Variants in CNOT4 observed in about 807,000 individuals in gnomAD.
The protein encoded by CNOT4 is CCR4-associated factor 4.
A neutral mutation model predicts 73.8 loss-of-function variants in CNOT4; 8 were observed. The observed-to-expected ratio is 0.11, with a 90% confidence interval of 0.06 to 0.20. The LOEUF is 0.20. Ranked by LOEUF, CNOT4 falls within the 10% of genes least tolerant of loss-of-function variation. CNOT4 has a pLI of 1.00. For missense variants in CNOT4, 564 were observed against 883.4 expected (o/e 0.64, Z 4.58); for synonymous variants, 293 against 321.1 (o/e 0.91, Z 0.94).
rs1457806521 is a variant in CNOT4 at position 135,446,982 on chromosome 7, G to A, written c.-92-8559C>T. 1.9e-5 allele frequency among the ~76,000 whole-genome samples: 2 copies of A among 107,710 alleles called. 1 individual carries two copies. The highest frequency in any genetic ancestry group is 4.8e-5 in the Non-Finnish European group (2 of 41,882). 70.7% of individuals were successfully genotyped at this position (107,710 alleles called of 152,430 possible). A position where few individuals can be genotyped will look rare whatever the true frequency, so the allele number is the denominator to read the frequency against. On this transcript the variant is annotated intron_variant, in intron 1 of 11. Coordinates refer to ENST00000541284, the MANE Select transcript of CNOT4 (RefSeq NM_001190850.2). Reference sequence around the variant, plus strand: ...CTTCACAATTAGTCTGTTCCCACTAGAATGGAAACTTCAGGAGGGCAGAAA... The same window carrying A: ...CTTCACAATTAGTCTGTTCCCACTAAAATGGAAACTTCAGGAGGGCAGAAA...
chr7:135,422,148 G>A lies in CNOT4; in HGVS notation c.372+8C>T. 1 of 1,568,798 alleles carries A rather than the reference G, an allele frequency of 6.4e-7. No homozygotes were observed. Among genetic ancestry groups the A allele is most frequent in the Non-Finnish European group, 8.8e-7 (1 of 1,140,040 alleles). On this transcript the variant is annotated splice_region_variant and intron_variant, in intron 3 of 11. Coordinates refer to ENST00000541284, the MANE Select transcript of CNOT4 (RefSeq NM_001190850.2). ...TATCAAGATGACAAAGAAAACAAGA[G>A]GACTTACCTCTGGGTCTGCTAGGCG...
chr7:135,475,750 C>T (rs1801951274), intron 1 of CNOT4, among the ~76,000 whole-genome samples: 1 of 152,014 alleles, frequency 6.6e-6, no homozygotes, highest in African/African-American at 2.4e-5. Flanking sequence ...CCATTACACA[C>T]ACACAAAAAA....
chr7:135,500,904 C>A (rs1176976798), intron 1 of CNOT4, among the ~76,000 whole-genome samples: 2 of 150,428 alleles, frequency 1.3e-5, no homozygotes, highest in East Asian at 2.0e-4. Context: ...GATAATATTT[C>A]TTTATTTTCC....
At chr7:135,509,223 G>C (rs1804572465) in intron 1 of CNOT4, 1 of 152,474 alleles carries the variant, frequency 6.6e-6, no homozygotes, top group African/African-American at 2.4e-5. Flanking sequence ...GGGTTAGCAG[G>C]AGGAGCATAA....
At chr7:135,372,103 G>A (rs1012625110) in intron 10 of CNOT4, among the ~76,000 whole-genome samples, 1 of 152,228 alleles carries the variant, frequency 6.6e-6, no homozygotes, top group Non-Finnish European at 1.5e-5. Flanking sequence ...CATGGAAGGT[G>A]TCAACCACCC....
At chr7:135,482,678 C>T (rs183432693) in intron 1 of CNOT4, among the ~76,000 whole-genome samples, 257 of 151,276 alleles carry the variant, frequency 1.7e-3, no homozygotes, top group African/African-American at 6.0e-3. Context: ...AGACCAATAC[C>T]TCTCATAAAA....
chr7:135,410,576 G>T lies in CNOT4; in HGVS notation c.760C>A (p.Leu254Ile). The part of the protein sequence containing the change: ...LYKLNPNFLQ[L>I]STGSVDKNKN... ...TTTTTATCAACTGAACCCGTAGATA[G>T]CTGAAGAAAATTGGGATTTAATTTA... Residue 254 changes from leucine (L) to isoleucine (I), a missense_variant, in exon 7 of 12, where the codon CTA becomes ATA. Physicochemically the swap from Leu to Ile is conservative, Grantham distance 5 (BLOSUM62 2). This residue lies in a region of CNOT4 where 135 missense variants were observed against 154.0 expected (regional missense o/e 0.88). Coordinates refer to ENST00000541284, the MANE Select transcript of CNOT4 (RefSeq NM_001190850.2). 6.3e-7 allele frequency: 1 copy of T among 1,588,354 alleles called. No individual in the cohort carries two copies. The highest frequency in any genetic ancestry group is 8.6e-7 in the Non-Finnish European group (1 of 1,167,328).
chr7:135,442,917 A>G (rs1239228185), intron 1 of CNOT4, among the ~76,000 whole-genome samples: 1 of 151,800 alleles, frequency 6.6e-6, no homozygotes, highest in Non-Finnish European at 1.5e-5. Flanking sequence ...AAATTAGCCA[A>G]GTATGGTGTT....
chr7:135,389,729 G>C (rs1291790415), intron 10 of CNOT4, among the ~76,000 whole-genome samples: 1 of 151,900 alleles, frequency 6.6e-6, no homozygotes, highest in Non-Finnish European at 1.5e-5. Flanking sequence ...TATTTTTTGA[G>C]GTATATCTTG....
intron 8 of CNOT4, among the ~76,000 whole-genome samples, chr7:135,396,274 C>T (rs1463911016): frequency 2.0e-5 from 3 of 151,744 alleles, no homozygotes; most frequent in South Asian, 2.1e-4. Context: ...CGTGCCACCA[C>T]GCCCGGCTAA....
At position 135,496,281 on chromosome 7, in the gene CNOT4, C is replaced by T. The variant is rs147728771; in HGVS notation, c.-93+13608G>A. Among the ~76,000 whole-genome samples, 1,239 of 152,192 alleles carry T rather than the reference C, an allele frequency of 8.1e-3. 6 individuals are homozygous for T. The highest frequency in any genetic ancestry group is 0.017 in the South Asian group (81 of 4,820). ...CTAATTTCAGTATTTTTATTAGAGA[C>T]GGGGTTTCGCCATGTTGGCCAGGCT... On this transcript the variant is annotated intron_variant, in intron 1 of 11. Transcript: ENST00000541284.
At chr7:135,387,005 A>G in intron 10 of CNOT4, 1 of 787,638 alleles carries the variant, frequency 1.3e-6, no homozygotes, top group Non-Finnish European at 1.5e-6. Flanking sequence ...GCTAGTAAGC[A>G]TCATTACAAG....
intron 1 of CNOT4, among the ~76,000 whole-genome samples, chr7:135,443,277 T>A (rs766901873): frequency 3.4e-5 from 5 of 147,290 alleles, no homozygotes; most frequent in Non-Finnish European, 7.4e-5. Context: ...ATTGCTGGAG[T>A]CCAGGAAGCA....
chr7:135,377,168 T>C (rs1692074036), intron 10 of CNOT4, among the ~76,000 whole-genome samples: 1 of 152,248 alleles, frequency 6.6e-6, no homozygotes, highest in Non-Finnish European at 1.5e-5. Context: ...CTATGTAAAA[T>C]GTGTGATTAA....
intron 7 of CNOT4, among the ~76,000 whole-genome samples, chr7:135,408,104 C>G (rs1283786570): frequency 1.3e-5 from 2 of 152,048 alleles, no homozygotes; most frequent in East Asian, 3.9e-4. Context: ...GAAATAGGTA[C>G]TCTCATATTC....
intron 1 of CNOT4, among the ~76,000 whole-genome samples, chr7:135,453,405 T>C (rs903143573): frequency 1.3e-5 from 2 of 152,096 alleles, no homozygotes; most frequent in Admixed American, 6.6e-5. Context: ...GGCATGCTAC[T>C]AATCTTATGC....
intron 1 of CNOT4, among the ~76,000 whole-genome samples, chr7:135,499,476 G>A (rs1803818009): frequency 6.6e-6 from 1 of 151,574 alleles, no homozygotes; most frequent in African/African-American, 2.4e-5. Flanking sequence ...CCCAAGCACT[G>A]TATGAATTAA....
intron 1 of CNOT4, among the ~76,000 whole-genome samples, chr7:135,475,410 A>T (rs1461149887): frequency 6.6e-6 from 1 of 152,220 alleles, no homozygotes; most frequent in East Asian, 1.9e-4. Flanking sequence ...TTAGTGTGCA[A>T]TATTTGACGT....
At chr7:135,489,391 CTTTTTTTTTTTT>C (rs71174525) in intron 1 of CNOT4, among the ~76,000 whole-genome samples, 126 of 84,734 alleles carry the variant, frequency 1.5e-3, no homozygotes, top group African/African-American at 5.6e-3. Context: ...AGTCACATTT[CTTTTTTTTTTTT>C]TTTTTTTTTT....
Sources: gnomAD v4.1 joint callset for allele counts (sites outside exome capture counted in the v4.1 genomes callset) on GRCh38, gnomAD v4.1.1 for gene constraint, gnomAD v4.1.1 regional missense constraint, MANE v1.5 for transcripts, NCBI Gene and HGNC (gene_info 2026-07-23, HGNC 2026-07-21) for gene names.